FANCD2: variants seen among roughly 807,000 people sequenced by gnomAD.
FANCD2 encodes the protein FA complementation group D2.
In FANCD2, 131 loss-of-function variants were observed where a neutral mutation model predicts 192.3. The observed-to-expected ratio is 0.68, with a 90% CI of 0.59 to 0.79. The LOEUF is 0.79. Ranked by LOEUF, FANCD2 falls within the 30% of genes least tolerant of loss-of-function variation. The pLI is 0.00. For synonymous variants in FANCD2, 524 were observed against 612.5 expected, an observed-to-expected ratio of 0.86 and a Z score of 2.13; for missense variants, 1,508 against 1,701.6, an observed-to-expected ratio of 0.89 and a Z score of 2.00.
chr3:10,098,592 T>C (rs1434671135), intron 42 of FANCD2, 128 bp from the exon 43 acceptor site: 1 of 1,109,132 alleles, frequency 9.0e-7, no homozygotes, highest in South Asian at 1.5e-5. Flanking sequence ...CAAGTTGGTA[T>C]CCATGTTTGC....
Position 10,034,708 on chromosome 3 carries a change from T to G in FANCD2, c.287T>G (p.Phe96Cys). The change falls in exon 5 of 44, where the codon TTT (phenylalanine) becomes TGT (cysteine). Residue 96 changes from phenylalanine to cysteine, a missense_variant. Physicochemically the swap from Phe to Cys is radical, Grantham distance 205. Around this residue, in one of 5 missense-constraint regions of FANCD2, gnomAD observed 435 missense variants for 421.9 expected, o/e 1.03. Coordinates refer to ENST00000675286, the MANE Select transcript of FANCD2 (RefSeq NM_001018115.3). ...HPSYPKIIEE[F>C]VSGLESYIED... ...AATCTCCTTAAGATAATAGAAGAATTTGTTAGTGGCCTGGAGTCTTACATT... is the reference window on the plus strand; with the variant it reads ...AATCTCCTTAAGATAATAGAAGAATGTGTTAGTGGCCTGGAGTCTTACATT... The G allele has an allele frequency of 6.4e-7, 1 of 1,564,960 alleles. No homozygotes were observed. Among genetic ancestry groups the G allele is most frequent in the South Asian group, 1.2e-5 (1 of 85,882 alleles).
At chr3:10,040,586 A>C in intron 9 of FANCD2, 1 of 456,474 alleles carries the variant, frequency 2.2e-6, no homozygotes, top group South Asian at 1.6e-5. Flanking sequence ...GCGGAGACCC[A>C]TTGCTTACTG....
chr3:10,042,747 C>A, intron 11 of FANCD2, 84 bp downstream of exon 11: 1 of 1,046,772 alleles, frequency 9.6e-7, no homozygotes, highest in Non-Finnish European at 1.5e-6. Flanking sequence ...ACTGAGAATA[C>A]TGACTAATCC....
At chr3:10,060,668 A>G (rs948296710) in intron 19 of FANCD2, among the ~76,000 whole-genome samples, 1 of 152,204 alleles carries the variant, frequency 6.6e-6, no homozygotes, top group Non-Finnish European at 1.5e-5. Flanking sequence ...CTTTGCACAA[A>G]ATGGGAACCC....
At chr3:10,040,031 T>TTA in intron 9 of FANCD2, 186 bp downstream of exon 9, 3 of 569,156 alleles carry the variant, frequency 5.3e-6, no homozygotes, top group Non-Finnish European at 8.9e-6. Context: ...TCCACATACT[T>TTA]TCTTTTTTTT....
intron 18 of FANCD2, among the ~76,000 whole-genome samples, chr3:10,054,711 C>T (rs2087356779): frequency 6.6e-6 from 1 of 150,620 alleles, no homozygotes; most frequent in Non-Finnish European, 1.5e-5. Context: ...TCTTGATCTC[C>T]TGACCTCATG....
chr3:10,031,198 G>T (rs1443802854), intron 2 of FANCD2, among the ~76,000 whole-genome samples: 2 of 151,980 alleles, frequency 1.3e-5, no homozygotes, highest in East Asian at 3.9e-4. Context: ...TCTGATTAAG[G>T]CTTTATTAGA....
At chr3:10,059,765 C>T (rs1298222493) in intron 18 of FANCD2, among the ~76,000 whole-genome samples, 1 of 151,556 alleles carries the variant, frequency 6.6e-6, no homozygotes, top group Non-Finnish European at 1.5e-5. Context: ...AAGATGGCGC[C>T]ACTGCACTCT....
chr3:10,039,288 T>C lies in FANCD2; in HGVS notation c.501T>C (p.Ser167=). Residue 167 remains serine, a synonymous_variant, in exon 8 of 44, where the codon AGT becomes AGC. Transcript: ENST00000675286. The stretch of plus-strand genomic sequence containing the variant: ...CTTCCTAACATTTTAGCAAGAACAG[T>C]GATGAAATCAACATACCTCGACTCA... The part of the protein sequence containing the change: ...LPEYFFENKN[S]DEINIPRLIV... 1.2e-6 allele frequency: 2 copies of C among 1,613,330 alleles called. No individual in the cohort carries two copies. Among genetic ancestry groups the C allele is most frequent in the Non-Finnish European group, 1.7e-6 (2 of 1,179,436 alleles).
chr3:10,064,616 T>C, intron 22 of FANCD2, 113 bp from the exon 23 acceptor site: 1 of 1,328,036 alleles, frequency 7.5e-7, no homozygotes, highest in Non-Finnish European at 1.1e-6. Flanking sequence ...CACTGTTTGT[T>C]CTTCTAATTT....
chr3:10,054,550 C>G (rs1462488733), intron 18 of FANCD2, among the ~76,000 whole-genome samples: 1 of 122,018 alleles, frequency 8.2e-6, no homozygotes, highest in Non-Finnish European at 1.6e-5. Flanking sequence ...GTGGCGCAAT[C>G]TCGGCTCCCT....
At chr3:10,040,440 G>A in intron 9 of FANCD2, 1 of 454,324 alleles carries the variant, frequency 2.2e-6, no homozygotes, top group South Asian at 1.6e-5. Context: ...GATCCCTTAA[G>A]TTTCATTAAC....
chr3:10,041,987 C>T lies in FANCD2; in HGVS notation c.783+277C>T, dbSNP rs35589432. On this transcript the variant is annotated intron_variant, in intron 10 of 43. Coordinates refer to ENST00000675286, the MANE Select transcript of FANCD2 (RefSeq NM_001018115.3). The stretch of plus-strand genomic sequence containing the variant: ...AATCTCCGCTAACTGCAACCTCTAC[C>T]TACCAAGTTCAAGCAGTTCCCTGAC... Among the ~76,000 whole-genome samples the T allele has an allele frequency of 1.7e-3, 262 of 151,950 alleles. 3 individuals are homozygous for T. The East Asian group carries it at 0.042, about 24-fold the overall frequency.
chr3:10,039,139 T>C, intron 7 of FANCD2, 140 bp from the exon 8 acceptor site: 1 of 551,846 alleles, frequency 1.8e-6, no homozygotes, highest in Non-Finnish European at 3.2e-6. Flanking sequence ...ATCACTTGTG[T>C]GTCTAGTGCA....
intron 20 of FANCD2, 97 bp downstream of exon 20, chr3:10,062,308 T>G: frequency 1.1e-6 from 1 of 942,716 alleles, no homozygotes; most frequent in Admixed American, 2.2e-5. Context: ...TGGCAAGATC[T>G]CGGCTCACTG....
At chr3:10,093,229 T>C in intron 38 of FANCD2, 56 bp from the exon 39 acceptor site, 2 of 1,387,748 alleles carry the variant, frequency 1.4e-6, no homozygotes, top group Non-Finnish European at 2.1e-6. Flanking sequence ...GGAAAGAGGC[T>C]GGAGTGCTCA....
At chr3:10,055,207 G>T (rs1486626356) in intron 18 of FANCD2, among the ~76,000 whole-genome samples, 1 of 151,974 alleles carries the variant, frequency 6.6e-6, no homozygotes, top group Non-Finnish European at 1.5e-5. Flanking sequence ...GTTTTTAAGG[G>T]TACAATTTAG....
At chr3:10,048,468 T>G (rs1472179321) in intron 16 of FANCD2, among the ~76,000 whole-genome samples, 2 of 152,154 alleles carry the variant, frequency 1.3e-5, no homozygotes, top group Non-Finnish European at 2.9e-5. Context: ...CACGCCCGGT[T>G]AATTTTTTGT....
intron 20 of FANCD2, 99 bp from the exon 21 acceptor site, chr3:10,063,693 G>A (rs2087631158): frequency 2.6e-6 from 4 of 1,518,786 alleles, no homozygotes; most frequent in Non-Finnish European, 3.6e-6. Flanking sequence ...AGCTTTGCCA[G>A]TAAAATCAGA....
Sources: allele counts gnomAD v4.1 joint callset (sites outside exome capture counted in the v4.1 genomes callset), GRCh38; gene constraint gnomAD v4.1.1; regional missense constraint gnomAD v4.1.1; transcripts MANE v1.5; gene names NCBI Gene and HGNC (gene_info 2026-07-23, HGNC 2026-07-21).